PPP1R9A: variants seen among roughly 807,000 people sequenced by gnomAD.
PPP1R9A encodes the protein neurabin-1.
Under a neutral mutation model 141.9 loss-of-function variants are expected in PPP1R9A, and 59 were observed. The ratio of observed to expected loss-of-function variants is 0.42; its 90% CI spans 0.34 to 0.52. The LOEUF is 0.52. Ranked by LOEUF, PPP1R9A falls within the 20% of genes least tolerant of loss-of-function variation. The probability of loss-of-function intolerance (pLI) is 0.10; values close to 1 mark genes in which losing one functional copy is unlikely to be tolerated. For missense variants in PPP1R9A, 1,444 were observed against 1,611.9 expected (o/e 0.90, Z 1.78); for synonymous variants, 500 against 569.7 (o/e 0.88, Z 1.74).
chr7:95,062,426 T>C lies in PPP1R9A; in HGVS notation c.1396-48833T>C, dbSNP rs1812359332. On this transcript the variant is annotated intron_variant, in intron 2 of 19. Coordinates refer to ENST00000433360, the MANE Select transcript of PPP1R9A (RefSeq NM_001166160.2). The stretch of plus-strand genomic sequence containing the variant: ...GTTCCATAGATTAGGGAATTTTTTT[T>C]TTTTTTTTTTTAGATGGAGTCTCAC... Among the ~76,000 whole-genome samples the C allele has an allele frequency of 2.0e-5, 3 of 151,822 alleles. No homozygotes were observed. In the South Asian group the frequency reaches 6.3e-4, roughly 32 times the overall value.
At chr7:95,198,637 G>A (rs141767044) in intron 6 of PPP1R9A, among the ~76,000 whole-genome samples, 153 bp downstream of exon 6, 84 of 152,196 alleles carry the variant, frequency 5.5e-4, no homozygotes, top group African/African-American at 1.7e-3. Flanking sequence ...AATACTACTC[G>A]CATCTGATAT....
intron 19 of PPP1R9A, 72 bp from the exon 20 acceptor site, chr7:95,290,019 A>C: frequency 6.4e-7 from 1 of 1,571,008 alleles, no homozygotes; most frequent in Non-Finnish European, 8.6e-7. Context: ...GAACTTGGAT[A>C]TATGGTATGT....
At chr7:95,189,731 C>T (rs879073452) in intron 5 of PPP1R9A, among the ~76,000 whole-genome samples, 2 of 151,986 alleles carry the variant, frequency 1.3e-5, no homozygotes, top group Non-Finnish European at 1.5e-5. Context: ...CCACCGCGCC[C>T]GGCCGGGTTT....
At chr7:94,946,236 G>A (rs2150989087) in intron 2 of PPP1R9A, among the ~76,000 whole-genome samples, 1 of 152,142 alleles carries the variant, frequency 6.6e-6, no homozygotes, top group South Asian at 2.1e-4. Flanking sequence ...AGATAAAAAT[G>A]TGTGAAGCAA....
At chr7:95,014,385 A>T (rs913135725) in intron 2 of PPP1R9A, among the ~76,000 whole-genome samples, 6 of 152,018 alleles carry the variant, frequency 3.9e-5, no homozygotes, top group Non-Finnish European at 7.4e-5. Flanking sequence ...GCTTGGGTTT[A>T]TCTGCTCTTT....
intron 2 of PPP1R9A, among the ~76,000 whole-genome samples, chr7:94,928,943 A>G (rs1001633844): frequency 2.6e-5 from 4 of 152,196 alleles, no homozygotes; most frequent in African/African-American, 9.6e-5. Context: ...CATCATAGCC[A>G]ATGAATTATG....
chr7:95,109,507 A>G (rs1184674278), intron 2 of PPP1R9A, among the ~76,000 whole-genome samples: 5 of 152,212 alleles, frequency 3.3e-5, no homozygotes, highest in Non-Finnish European at 5.9e-5. Flanking sequence ...TGAAGGATCA[A>G]AAGAGCTGTC....
intron 2 of PPP1R9A, among the ~76,000 whole-genome samples, chr7:95,038,917 CA>C (rs150740238): frequency 0.024 from 3,657 of 152,202 alleles, 163 homozygotes; most frequent in African/African-American, 0.084. Flanking sequence ...AAGATGAAAA[CA>C]AGGGCACTGC....
At chr7:95,140,289 C>G (rs1379727615) in intron 4 of PPP1R9A, among the ~76,000 whole-genome samples, 3 of 152,160 alleles carry the variant, frequency 2.0e-5, no homozygotes, top group Non-Finnish European at 2.9e-5. Flanking sequence ...GTCCCTCTAA[C>G]CACATGGATC....
chr7:95,267,198 C>T lies in PPP1R9A; in HGVS notation c.2666-1352C>T, dbSNP rs115666444. The stretch of plus-strand genomic sequence containing the variant: ...AGGCACAAACTGAGGTGCTTCCTTG[C>T]TTTGGTTTTGTAGTATAGCATATTT... On this transcript the variant is annotated intron_variant, in intron 12 of 19. Coordinates refer to ENST00000433360, the MANE Select transcript of PPP1R9A (RefSeq NM_001166160.2). Among the ~76,000 whole-genome samples the T allele has an allele frequency of 8.7e-3, 1,324 of 152,168 alleles. 16 individuals carry two copies. The highest frequency in any genetic ancestry group is 0.031 in the African/African-American group (1,274 of 41,524).
At chr7:95,204,813 A>C (rs1454095768) in intron 7 of PPP1R9A, among the ~76,000 whole-genome samples, 1 of 128,486 alleles carries the variant, frequency 7.8e-6, no homozygotes, top group Non-Finnish European at 1.6e-5. Flanking sequence ...CCACACACAC[A>C]TCACACACAC....
intron 2 of PPP1R9A, among the ~76,000 whole-genome samples, chr7:94,953,892 A>G (rs962195927): frequency 6.6e-6 from 1 of 152,174 alleles, no homozygotes; most frequent in Non-Finnish European, 1.5e-5. Flanking sequence ...ATATATAATC[A>G]TGTCATCTGC....
chr7:94,980,892 A>G (rs142972510), intron 2 of PPP1R9A, among the ~76,000 whole-genome samples: 25 of 152,324 alleles, frequency 1.6e-4, no homozygotes, highest in African/African-American at 6.0e-4. Context: ...ATATATTTGT[A>G]TAACTAATCT....
At chr7:94,969,281 A>C (rs192477606) in intron 2 of PPP1R9A, among the ~76,000 whole-genome samples, 2 of 151,878 alleles carry the variant, frequency 1.3e-5, no homozygotes, top group Non-Finnish European at 2.9e-5. Context: ...ATCTTTGTGG[A>C]TTTATCTACC....
chr7:94,926,134 A>G (rs1452259767), intron 2 of PPP1R9A, among the ~76,000 whole-genome samples: 9 of 152,132 alleles, frequency 5.9e-5, no homozygotes, highest in Non-Finnish European at 1.3e-4. Context: ...TAACATTTTT[A>G]TATGTATAAT....
intron 5 of PPP1R9A, among the ~76,000 whole-genome samples, chr7:95,198,091 ATCT>A (rs767688470): frequency 2.0e-5 from 3 of 152,206 alleles, no homozygotes; most frequent in Non-Finnish European, 4.4e-5. Context: ...CGTATATTAC[ATCT>A]TCTCTTAAAA....
At chr7:94,975,830 A>C (rs935474002) in intron 2 of PPP1R9A, among the ~76,000 whole-genome samples, 1 of 152,166 alleles carries the variant, frequency 6.6e-6, no homozygotes, top group African/African-American at 2.4e-5. Flanking sequence ...ATTCATAAAA[A>C]CCAGTAATTT....
chr7:95,011,767 C>G (rs1804452439), intron 2 of PPP1R9A, among the ~76,000 whole-genome samples: 1 of 151,916 alleles, frequency 6.6e-6, no homozygotes, highest in African/African-American at 2.4e-5. Flanking sequence ...TTATGAATGA[C>G]TTAGATGAAG....
At chr7:94,998,142 T>C (rs1429374245) in intron 2 of PPP1R9A, among the ~76,000 whole-genome samples, 3 of 152,194 alleles carry the variant, frequency 2.0e-5, no homozygotes, top group Non-Finnish European at 2.9e-5. Flanking sequence ...ATTTTTCTTG[T>C]TTAGTGAGTA....
Sources: gnomAD v4.1 joint callset for allele counts (sites outside exome capture counted in the v4.1 genomes callset) on GRCh38, gnomAD v4.1.1 for gene constraint, MANE v1.5 for transcripts, NCBI Gene and HGNC (gene_info 2026-07-23, HGNC 2026-07-21) for gene names.